Variants in XRCC4 observed in about 807,000 individuals in gnomAD.
XRCC4 encodes X-ray repair cross complementing 4.
Under a neutral mutation model 39.1 loss-of-function variants are expected in XRCC4, and 28 were observed. That is an observed-to-expected ratio of 0.72 (90% CI 0.53 to 0.98). The LOEUF is 0.98. Among genes scored for constraint, XRCC4 ranks in the 50% least tolerant of loss-of-function variants. The probability of loss-of-function intolerance (pLI) is 0.00; values close to 1 mark genes in which losing one functional copy is unlikely to be tolerated. For synonymous variants in XRCC4, 123 were observed against 126.4 expected, an observed-to-expected ratio of 0.97 and a Z score of 0.18; for missense variants, 350 against 376.4, an observed-to-expected ratio of 0.93 and a Z score of 0.58.
intron 7 of XRCC4, among the ~76,000 whole-genome samples, chr5:83,351,186 C>G (rs1040339513): frequency 6.6e-6 from 1 of 152,172 alleles, no homozygotes; most frequent in South Asian, 2.1e-4. Context: ...GCTTCCCTTT[C>G]ACCTTCTACC....
At chr5:83,342,727 A>G (rs1756800201) in intron 7 of XRCC4, among the ~76,000 whole-genome samples, 1 of 152,086 alleles carries the variant, frequency 6.6e-6, no homozygotes, top group Admixed American at 6.6e-5. Context: ...TTTATTTAGG[A>G]GATGGTTTTG....
chr5:83,268,853 C>A (rs1288776599), intron 7 of XRCC4, among the ~76,000 whole-genome samples: 1 of 152,118 alleles, frequency 6.6e-6, no homozygotes, highest in East Asian at 1.9e-4. Context: ...TTGAACAAAT[C>A]AATTTAGCAA....
intron 6 of XRCC4, among the ~76,000 whole-genome samples, chr5:83,251,095 A>AT (rs563060369): frequency 7.7e-4 from 117 of 152,212 alleles, no homozygotes; most frequent in Non-Finnish European, 8.1e-4. Flanking sequence ...TGCCTCTGAA[A>AT]TTTACCTTAA....
At chr5:83,183,990 G>A (rs1017282008) in intron 3 of XRCC4, among the ~76,000 whole-genome samples, 2 of 151,988 alleles carry the variant, frequency 1.3e-5, no homozygotes, top group African/African-American at 4.8e-5. Context: ...AATATTACAA[G>A]TTTTTCAGGG....
chr5:83,185,411 A>C (rs1750392285), intron 3 of XRCC4, among the ~76,000 whole-genome samples: 1 of 131,486 alleles, frequency 7.6e-6, no homozygotes, highest in Non-Finnish European at 1.6e-5. Flanking sequence ...GATATACAAA[A>C]AAAGTATGTA....
chr5:83,197,754 A>AT (rs1396374836), intron 4 of XRCC4, among the ~76,000 whole-genome samples: 1 of 151,982 alleles, frequency 6.6e-6, no homozygotes, highest in Admixed American at 6.6e-5. Context: ...TGATCCAGCT[A>AT]TTTTTTTGAT....
the XRCC4 span, among the ~76,000 whole-genome samples, chr5:83,360,378 T>C: frequency 2.6e-5 from 4 of 152,162 alleles, no homozygotes; most frequent in African/African-American, 9.6e-5. Context: ...CACCTACTGA[T>C]ATTAGAAACA....
chr5:83,346,838 C>G (rs1370779036), intron 7 of XRCC4, among the ~76,000 whole-genome samples: 1 of 152,044 alleles, frequency 6.6e-6, no homozygotes, highest in Non-Finnish European at 1.5e-5. Context: ...AGAATTTAAA[C>G]AGAGCTGTAA....
intron 6 of XRCC4, among the ~76,000 whole-genome samples, chr5:83,235,523 T>TA (rs1752656870): frequency 6.6e-6 from 1 of 151,980 alleles, no homozygotes; most frequent in Admixed American, 6.6e-5. Flanking sequence ...ATTTTCATAA[T>TA]AAAAAATATC....
chr5:83,301,070 AT>A (rs1270071388), intron 7 of XRCC4, among the ~76,000 whole-genome samples: 1 of 152,150 alleles, frequency 6.6e-6, no homozygotes, highest in Non-Finnish European at 1.5e-5. Flanking sequence ...TAGTGGAATG[AT>A]TTATAATCCT....
intron 1 of XRCC4, among the ~76,000 whole-genome samples, chr5:83,097,696 A>T (rs1554053643): frequency 3.3e-5 from 5 of 152,162 alleles, no homozygotes; most frequent in Non-Finnish European, 7.4e-5. Context: ...TTGTTGAAAA[A>T]GACTGCTGCT....
chr5:83,137,242 G>A (rs1328708821), intron 3 of XRCC4, among the ~76,000 whole-genome samples: 2 of 151,772 alleles, frequency 1.3e-5, no homozygotes, highest in Admixed American at 1.3e-4. Context: ...GGTTTAAAAG[G>A]GATATTTTAT....
chr5:83,219,087 T>C (rs1751982977), intron 6 of XRCC4, among the ~76,000 whole-genome samples: 1 of 152,084 alleles, frequency 6.6e-6, no homozygotes, highest in African/African-American at 2.4e-5. Flanking sequence ...CCTTGGCTTA[T>C]AGGCAACCAG....
chr5:83,103,539 C>T (rs28383134), intron 1 of XRCC4, among the ~76,000 whole-genome samples: 170 of 152,178 alleles, frequency 1.1e-3, no homozygotes, highest in African/African-American at 3.8e-3. Context: ...ATATCCATAT[C>T]CTCTGATCCA....
intron 6 of XRCC4, among the ~76,000 whole-genome samples, chr5:83,233,613 C>T (rs1025328345): frequency 5.3e-5 from 8 of 151,616 alleles, no homozygotes; most frequent in Admixed American, 2.0e-4. Flanking sequence ...ATAGGCCAGG[C>T]ACGGTGGCTC....
intron 4 of XRCC4, chr5:83,202,057 C>CA (rs772714268): frequency 7.0e-6 from 1 of 142,466 alleles, no homozygotes; most frequent in Non-Finnish European, 1.5e-5. Flanking sequence ...AAAAAAAAAA[C>CA]AAAAAACCTG....
intron 7 of XRCC4, among the ~76,000 whole-genome samples, chr5:83,276,488 G>A (rs575874938): frequency 1.2e-4 from 17 of 137,404 alleles, no homozygotes; most frequent in African/African-American, 3.6e-4. Context: ...ATGGGAATGA[G>A]GCTGATGGCT....
intron 7 of XRCC4, among the ~76,000 whole-genome samples, chr5:83,343,206 G>A (rs767350252): frequency 7.9e-5 from 12 of 151,988 alleles, no homozygotes; most frequent in Non-Finnish European, 1.0e-4. Context: ...CGTCATCGGT[G>A]ATGAGGAGGA....
At chr5:83,202,176 C>T (rs908256466) in intron 4 of XRCC4, 2 of 152,082 alleles carry the variant, frequency 1.3e-5, no homozygotes, top group African/African-American at 4.8e-5. Flanking sequence ...TGTAATAACT[C>T]TGCAGAAAAG....
Sources: allele counts gnomAD v4.1 joint callset (sites outside exome capture counted in the v4.1 genomes callset), GRCh38; gene constraint gnomAD v4.1.1; transcripts MANE v1.5; gene names NCBI Gene and HGNC (gene_info 2026-07-23, HGNC 2026-07-21).